HFM1: variants seen among roughly 807,000 people sequenced by gnomAD.
The protein encoded by HFM1 is probable ATP-dependent DNA helicase HFM1.
Under a neutral mutation model 192.1 loss-of-function variants are expected in HFM1, and 169 were observed. The ratio of observed to expected loss-of-function variants is 0.88; its 90% CI spans 0.78 to 1.00. HFM1 has a LOEUF of 1.00. Ranked by LOEUF, HFM1 falls within the 50% of genes least tolerant of loss-of-function variation. The pLI is 0.00. For missense variants in HFM1, 1,661 were observed against 1,668.0 expected, an observed-to-expected ratio of 1.00 and a Z score of 0.07; for synonymous variants, 525 against 537.8, an observed-to-expected ratio of 0.98 and a Z score of 0.33.
chr1:91,400,204 AC>A (rs1235053366), intron 2 of HFM1, among the ~76,000 whole-genome samples: 1 of 152,248 alleles, frequency 6.6e-6, no homozygotes, highest in African/African-American at 2.4e-5. Context: ...TGAACAATGC[AC>A]ATGAAAATCC....
chr1:91,265,989 T>C (rs1199710454), intron 36 of HFM1, 28 bp downstream of exon 36: 1 of 1,585,688 alleles, frequency 6.3e-7, no homozygotes, highest in Admixed American at 2.0e-5. Context: ...AAGTTGCAAA[T>C]ATTACAAACC....
intron 16 of HFM1, among the ~76,000 whole-genome samples, chr1:91,351,854 A>T (rs1297090262): frequency 2.0e-5 from 3 of 151,986 alleles, no homozygotes; most frequent in African/African-American, 7.2e-5. Context: ...TTTGGTTTCA[A>T]TGTAACATAA....
chr1:91,337,922 G>A (rs1472034044), intron 20 of HFM1, among the ~76,000 whole-genome samples: 1 of 152,156 alleles, frequency 6.6e-6, no homozygotes, highest in Non-Finnish European at 1.5e-5. Flanking sequence ...CCCACCAAAA[G>A]ACCAGACCAT....
chr1:91,298,984 A>G (rs1418669770), intron 30 of HFM1, among the ~76,000 whole-genome samples: 1 of 152,224 alleles, frequency 6.6e-6, no homozygotes, highest in Non-Finnish European at 1.5e-5. Context: ...ATTAAAAGAC[A>G]CAGACTGGCA....
At chr1:91,391,574 T>C (rs1449491717) in intron 4 of HFM1, among the ~76,000 whole-genome samples, 5 of 152,236 alleles carry the variant, frequency 3.3e-5, no homozygotes, top group Non-Finnish European at 7.3e-5. Context: ...ACTGGATTCC[T>C]TCCTTACACC....
chr1:91,293,502 C>A (rs1172810032), intron 30 of HFM1, among the ~76,000 whole-genome samples: 2 of 150,954 alleles, frequency 1.3e-5, no homozygotes, highest in Admixed American at 1.3e-4. Flanking sequence ...CAATGAGATA[C>A]CATCTCACAC....
chr1:91,390,821 G>GT (rs1662888599), intron 4 of HFM1, among the ~76,000 whole-genome samples: 3 of 152,168 alleles, frequency 2.0e-5, no homozygotes, highest in Admixed American at 2.0e-4. Context: ...AATTGTCCCT[G>GT]TTTGCAGAAG....
At chr1:91,321,181 C>T (rs1652046732) in intron 23 of HFM1, among the ~76,000 whole-genome samples, 1 of 152,210 alleles carries the variant, frequency 6.6e-6, no homozygotes, top group Non-Finnish European at 1.5e-5. Context: ...CTGGCTCACG[C>T]CTGTAATCCC....
At chr1:91,353,655 A>C (rs865994047) in intron 13 of HFM1, among the ~76,000 whole-genome samples, 5,438 of 145,878 alleles carry the variant, frequency 0.037, 232 homozygotes, top group East Asian at 0.13. Context: ...AAATAAGCAA[A>C]AAAAAAAAAA....
chr1:91,329,154 G>C (rs1056968912), intron 20 of HFM1: 1 of 1,609,448 alleles, frequency 6.2e-7, no homozygotes, highest in Non-Finnish European at 8.5e-7. Flanking sequence ...CGAGGAGATC[G>C]TGCAGCGACT....
chr1:91,302,830 GT>G (rs1649032494), intron 30 of HFM1, among the ~76,000 whole-genome samples: 1 of 151,890 alleles, frequency 6.6e-6, no homozygotes, highest in Non-Finnish European at 1.5e-5. Context: ...TATACCTAAT[GT>G]TAAATGATGA....
chr1:91,395,706 C>T (rs1305721263), intron 3 of HFM1, among the ~76,000 whole-genome samples: 1 of 151,948 alleles, frequency 6.6e-6, no homozygotes, highest in Non-Finnish European at 1.5e-5. Flanking sequence ...AACGAGTATA[C>T]ATATTTTGGG....
chr1:91,366,086 G>A (rs1659271880), intron 13 of HFM1, among the ~76,000 whole-genome samples: 1 of 152,046 alleles, frequency 6.6e-6, no homozygotes, highest in African/African-American at 2.4e-5. Flanking sequence ...CTAGGTAAGA[G>A]TGGGAAATGA....
chr1:91,355,439 A>G (rs1657590273), intron 13 of HFM1, among the ~76,000 whole-genome samples: 1 of 152,016 alleles, frequency 6.6e-6, no homozygotes, highest in South Asian at 2.1e-4. Flanking sequence ...GAAGAAAAAA[A>G]AAAAACCAAG....
chr1:91,378,138 C>A lies in HFM1; in HGVS notation c.1282G>T (p.Val428Leu). ...TGTACAGTTTTCATTCTGCTAACTA[C>A]AACTTCAAGAGTTGGACCACGATTT... ...DENRGPTLEV[V>L]VSRMKTVQSV... The change falls in exon 11 of 39, where the codon GTA becomes TTA. Residue 428 changes from valine (V) to leucine (L), a missense_variant. By Grantham distance (32) the Val-to-Leu change is conservative (BLOSUM62 1). Coordinates refer to ENST00000370425, the MANE Select transcript of HFM1 (RefSeq NM_001017975.6). The A allele has an allele frequency of 6.2e-7, 1 of 1,609,986 alleles. No homozygotes were observed.
chr1:91,370,787 G>C (rs1396150376), intron 13 of HFM1, among the ~76,000 whole-genome samples: 2 of 152,272 alleles, frequency 1.3e-5, no homozygotes, highest in Non-Finnish European at 2.9e-5. Flanking sequence ...ATTAGGAAAA[G>C]AGGAAGTCAA....
At chr1:91,383,731 T>C (rs1373064308) in intron 6 of HFM1, among the ~76,000 whole-genome samples, 2 of 152,200 alleles carry the variant, frequency 1.3e-5, no homozygotes, top group Non-Finnish European at 2.9e-5. Context: ...TCACTAATTA[T>C]ATATTCCTAA....
intron 34 of HFM1, among the ~76,000 whole-genome samples, chr1:91,270,682 A>G (rs1326536947): frequency 6.6e-6 from 1 of 152,122 alleles, no homozygotes; most frequent in Non-Finnish European, 1.5e-5. Flanking sequence ...ACTGAAATCA[A>G]AGGAGAGATT....
chr1:91,322,829 A>C, intron 23 of HFM1, 121 bp downstream of exon 23: 1 of 491,714 alleles, frequency 2.0e-6, no homozygotes. Flanking sequence ...GTTGTAAGAA[A>C]TTAATTTCAC....
Sources: allele counts gnomAD v4.1 joint callset (sites outside exome capture counted in the v4.1 genomes callset), GRCh38; gene constraint gnomAD v4.1.1; transcripts MANE v1.5; gene names NCBI Gene and HGNC (gene_info 2026-07-23, HGNC 2026-07-21).